The following GREB1L variants were observed in gnomAD, a reference collection of about 807,000 sequenced individuals.
GREB1L encodes GREB1 like retinoic acid receptor coactivator.
Under a neutral mutation model 200.8 loss-of-function variants are expected in GREB1L, and 17 were observed. The observed-to-expected ratio is 0.08, with a 90% CI of 0.06 to 0.13. The LOEUF (loss-of-function observed/expected upper bound fraction) is 0.13. Among genes scored for constraint, GREB1L ranks in the 10% least tolerant of loss-of-function variants. The pLI, the probability that GREB1L is intolerant of heterozygous loss-of-function variation, is 1.00. For missense variants in GREB1L, 1,657 were observed against 2,367.7 expected (o/e 0.70, Z 6.23); for synonymous variants, 789 against 893.0 (o/e 0.88, Z 2.08).
rs926957501 is a variant in GREB1L, at chr18:21,522,549, C to A, written c.5609-109C>A. The A allele has an allele frequency of 6.6e-6, 5 of 752,888 alleles. No homozygotes were observed. In the Admixed American group the frequency reaches 1.0e-4, roughly 15 times the overall value. 46.6% of individuals were successfully genotyped at this position (752,888 alleles called of 1,614,324 possible). A position where few individuals can be genotyped will look rare whatever the true frequency, so the allele number is the denominator to read the frequency against. ...AAAACAATTCTGATAGATTGCTTAT[C>A]CATCTGTTGGTTCTCAGATGTGTTA... On this transcript the variant is annotated intron_variant, in intron 32 of 32. Transcript: ENST00000424526.
intron 1 of GREB1L, among the ~76,000 whole-genome samples, chr18:21,353,765 T>C (rs997505197): frequency 2.0e-5 from 3 of 152,178 alleles, no homozygotes; most frequent in Non-Finnish European, 4.4e-5. Flanking sequence ...CTTTCAAATT[T>C]ATTTTTAGTG....
chr18:21,326,805 T>G (rs899189320), intron 1 of GREB1L, among the ~76,000 whole-genome samples: 2 of 152,254 alleles, frequency 1.3e-5, no homozygotes, highest in Non-Finnish European at 2.9e-5. Flanking sequence ...ATTTAGAAAC[T>G]TCCCGAGCTG....
intron 15 of GREB1L, among the ~76,000 whole-genome samples, chr18:21,462,673 C>T (rs1260370660): frequency 6.6e-6 from 1 of 152,136 alleles, no homozygotes; most frequent in African/African-American, 2.4e-5. Flanking sequence ...TGGTCTCGAA[C>T]CACTGACCTT....
At chr18:21,312,739 A>G (rs2038811906) in intron 1 of GREB1L, among the ~76,000 whole-genome samples, 1 of 151,968 alleles carries the variant, frequency 6.6e-6, no homozygotes, top group Admixed American at 6.6e-5. Flanking sequence ...TTTTCAATAG[A>G]GATGGGGTTT....
chr18:21,520,771 C>T lies in GREB1L; in HGVS notation c.5556C>T (p.Tyr1852=). Residue 1852 remains tyrosine (Y), a synonymous_variant, in exon 32 of 33, where the codon TAC becomes TAT. Transcript: ENST00000424526. ...EGVFFSGLLL[Y]LCDSFVGADL... ...TGTTTTTCAGTGGACTCCTTTTGTACCTCTGTGACTCTTTTGTAGGTGCTG... is the reference window on the plus strand; with the variant it reads ...TGTTTTTCAGTGGACTCCTTTTGTATCTCTGTGACTCTTTTGTAGGTGCTG... 6.6e-7 allele frequency: 1 copy of T among 1,526,006 alleles called. No homozygotes were observed. Among genetic ancestry groups the T allele is most frequent in the Non-Finnish European group, 8.8e-7 (1 of 1,139,262 alleles). 94.5% of individuals were successfully genotyped at this position (1,526,006 alleles called of 1,614,324 possible). A position where few individuals can be genotyped will look rare whatever the true frequency, so the allele number is the denominator to read the frequency against.
In GREB1L at chr18:21,464,542, C is replaced by CA. The variant is rs11477392; in HGVS notation, c.2183-8468dup. 7.0e-3 allele frequency among the ~76,000 whole-genome samples: 462 copies of CA among 65,958 alleles called. 7 individuals carry two copies. Among genetic ancestry groups the CA allele is most frequent in the Middle Eastern group, 0.017 (2 of 120 alleles). The allele number at this position is 65,958 out of a possible 152,430, so 43.3% of individuals were successfully genotyped here. A position where few individuals can be genotyped will look rare whatever the true frequency, so the allele number is the denominator to read the frequency against. The stretch of plus-strand genomic sequence containing the variant: ...CTGGGGACAGAGAGAGACACCATCT[C>CA]AAAAAAAAAAAAAAAAAAAAAGTCA... On this transcript the variant is annotated intron_variant, in intron 15 of 32. Coordinates refer to ENST00000424526, the MANE Select transcript of GREB1L (RefSeq NM_001142966.3).
chr18:21,339,403 C>T (rs1189188618), intron 1 of GREB1L, among the ~76,000 whole-genome samples: 3 of 152,148 alleles, frequency 2.0e-5, no homozygotes, highest in Non-Finnish European at 2.9e-5. Context: ...GTTTAACCAA[C>T]ATAGCATTAG....
At chr18:21,515,392 ATC>A in intron 28 of GREB1L, 23 bp from the exon 29 acceptor site, 1 of 1,448,196 alleles carries the variant, frequency 6.9e-7, no homozygotes, top group South Asian at 1.2e-5. Context: ...ATTTATCAAC[ATC>A]TTATATAAAC....
At chr18:21,476,216 G>A (rs1484753845) in intron 16 of GREB1L, among the ~76,000 whole-genome samples, 1 of 152,106 alleles carries the variant, frequency 6.6e-6, no homozygotes, top group African/African-American at 2.4e-5. Context: ...TCCAGGAGAT[G>A]CTGAGGTTAG....
intron 17 of GREB1L, among the ~76,000 whole-genome samples, chr18:21,483,972 C>CAAAA (rs67820386): frequency 3.5e-5 from 3 of 84,746 alleles, no homozygotes; most frequent in South Asian, 4.1e-4. Flanking sequence ...TGAGACTCCT[C>CAAAA]AAAAAAAAAG....
intron 32 of GREB1L, among the ~76,000 whole-genome samples, chr18:21,521,875 G>A (rs2037605052): frequency 6.6e-6 from 1 of 151,686 alleles, no homozygotes; most frequent in Admixed American, 6.6e-5. Flanking sequence ...GTGGTGGCGT[G>A]CACCTGTAGT....
chr18:21,517,326 C>A (rs2037454921), intron 30 of GREB1L, among the ~76,000 whole-genome samples: 1 of 152,150 alleles, frequency 6.6e-6, no homozygotes, highest in Non-Finnish European at 1.5e-5. Context: ...ACACATCCTT[C>A]AAGGCTTTAG....
intron 7 of GREB1L, among the ~76,000 whole-genome samples, chr18:21,435,848 C>T (rs970843893): frequency 6.6e-6 from 1 of 151,970 alleles, no homozygotes. Flanking sequence ...TGAACTTGAG[C>T]TAGATCATTT....
Position 21,500,015 on chromosome 18 carries a change from A to G in GREB1L, c.3678A>G (p.Ala1226=). 1 of 1,551,492 alleles carries G rather than the reference A, an allele frequency of 6.4e-7. No homozygotes were observed. The highest frequency in any genetic ancestry group is 8.7e-7 in the Non-Finnish European group (1 of 1,147,008). Residue 1226 remains alanine (A), a synonymous_variant, in exon 22 of 33, where the codon GCA becomes GCG. Transcript: ENST00000424526. ...QPIRGCRGPQ[A]ALPPVVILSK... The stretch of plus-strand genomic sequence containing the variant: ...TCAGAGGCTGCCGGGGCCCACAGGC[A>G]GCCCTGCCACCAGTGGTGATCCTAT...
chr18:21,457,287 C>G (rs1215195280), intron 15 of GREB1L, among the ~76,000 whole-genome samples: 1 of 151,640 alleles, frequency 6.6e-6, no homozygotes, highest in Non-Finnish European at 1.5e-5. Context: ...AAAAAAAAAT[C>G]ATTGTAATAG....
chr18:21,338,616 T>C (rs1255656404), intron 1 of GREB1L, among the ~76,000 whole-genome samples: 1 of 152,256 alleles, frequency 6.6e-6, no homozygotes, highest in Non-Finnish European at 1.5e-5. Context: ...ACCTCACTTG[T>C]CTGTTGATTG....
intron 2 of GREB1L, among the ~76,000 whole-genome samples, chr18:21,374,800 A>T (rs535993172): frequency 1.9e-4 from 28 of 151,224 alleles, no homozygotes; most frequent in Non-Finnish European, 3.4e-4. Context: ...CAAGTGCAGT[A>T]CTTGAAAATA....
chr18:21,329,214 A>G, intron 1 of GREB1L, among the ~76,000 whole-genome samples: 1 of 151,280 alleles, frequency 6.6e-6, no homozygotes, highest in Non-Finnish European at 1.5e-5. Context: ...AATCCCAACC[A>G]GTTGGGAGGC....
rs190035184 is a variant in GREB1L at position 21,489,160 on chromosome 18, A to G, written c.2691-852A>G. Among the ~76,000 whole-genome samples, 167 of 152,298 alleles carry G rather than the reference A, an allele frequency of 1.1e-3. 1 individual carries two copies. Among genetic ancestry groups the G allele is most frequent in the Middle Eastern group, 3.4e-3 (1 of 294 alleles). The stretch of plus-strand genomic sequence containing the variant: ...AGGAGAGATTTGTTTTCTACCTCCT[A>G]TAATTGTAAAAACTGCCGATTTTAA... On this transcript the variant is annotated intron_variant, in intron 18 of 32. Coordinates refer to ENST00000424526, the MANE Select transcript of GREB1L (RefSeq NM_001142966.3).
Sources: gnomAD v4.1 joint callset for allele counts (sites outside exome capture counted in the v4.1 genomes callset) on GRCh38, gnomAD v4.1.1 for gene constraint, MANE v1.5 for transcripts, NCBI Gene and HGNC (gene_info 2026-07-23, HGNC 2026-07-21) for gene names.